SDK1: variants seen among roughly 807,000 people sequenced by gnomAD.
SDK1 encodes the protein protein sidekick-1.
SDK1 carries 157 observed loss-of-function variants against 245.5 expected under a neutral mutation model. The observed-to-expected ratio is 0.64, with a 90% CI of 0.56 to 0.73. The LOEUF (loss-of-function observed/expected upper bound fraction) is 0.73, where lower values mean the gene tolerates loss of function less well. Ranked by LOEUF, SDK1 falls within the 30% of genes least tolerant of loss-of-function variation. The pLI, the probability that SDK1 is intolerant of heterozygous loss-of-function variation, is 0.00. For missense variants in SDK1, 3,583 were observed against 3,002.3 expected, an observed-to-expected ratio of 1.19 and a Z score of -4.52; for synonymous variants, 1,647 against 1,278.5, an observed-to-expected ratio of 1.29 and a Z score of -6.15.
chr7:3,606,277 A>G (rs1233228378), intron 1 of SDK1, among the ~76,000 whole-genome samples: 1 of 152,086 alleles, frequency 6.6e-6, no homozygotes, highest in Admixed American at 6.6e-5. Flanking sequence ...AACCATTGCC[A>G]CCTTTACTGC....
chr7:3,302,099 G>A (rs73286340), intron 1 of SDK1: 3,077 of 248,440 alleles, frequency 0.012, 98 homozygotes, highest in African/African-American at 0.066. Context: ...CTGCTACTTT[G>A]CGTTTTATTT....
At position 3,627,044 on chromosome 7, in the gene SDK1, C is replaced by G. The variant is rs541167801; in HGVS notation, c.458+7805C>G. Among the ~76,000 whole-genome samples, 4 of 152,182 alleles carry G rather than the reference C, an allele frequency of 2.6e-5. No individual in the cohort carries two copies. The East Asian group carries it at 7.7e-4, about 29-fold the overall frequency. ...CCGGGCTCAGTTCATACTCCCACCTCAGCTTCCCACGTAGCTAGGGGTACA... is the reference window on the plus strand; with the variant it reads ...CCGGGCTCAGTTCATACTCCCACCTGAGCTTCCCACGTAGCTAGGGGTACA... On this transcript the variant is annotated intron_variant, in intron 2 of 44. Transcript: ENST00000404826.
intron 1 of SDK1, among the ~76,000 whole-genome samples, chr7:3,308,194 G>A (rs1212020949): frequency 6.6e-6 from 1 of 152,128 alleles, no homozygotes; most frequent in Non-Finnish European, 1.5e-5. Context: ...TAAAATGTGA[G>A]ATGCTTATTT....
chr7:3,936,833 G>A (rs187725186), intron 5 of SDK1, among the ~76,000 whole-genome samples: 1 of 152,298 alleles, frequency 6.6e-6, no homozygotes, highest in Non-Finnish European at 1.5e-5. Flanking sequence ...TGGATGGGTG[G>A]GATTTCAGGA....
intron 13 of SDK1, among the ~76,000 whole-genome samples, chr7:3,978,597 G>A (rs568568725): frequency 6.6e-6 from 1 of 152,298 alleles, no homozygotes; most frequent in East Asian, 1.9e-4. Context: ...CCTTCATGGG[G>A]TGTCTTTAGA....
intron 1 of SDK1, among the ~76,000 whole-genome samples, chr7:3,584,589 C>A (rs1369674317): frequency 6.6e-6 from 1 of 152,126 alleles, no homozygotes; most frequent in African/African-American, 2.4e-5. Context: ...CTTTGTTGTT[C>A]CACGGACTGC....
At chr7:3,682,819 A>G (rs1011135116) in intron 4 of SDK1, among the ~76,000 whole-genome samples, 3 of 151,354 alleles carry the variant, frequency 2.0e-5, no homozygotes, top group South Asian at 2.1e-4. Context: ...GCTCACTGCA[A>G]CCCCCACTTC....
Position 3,542,507 on chromosome 7 carries a change from G to T in SDK1, c.299-76573G>T, listed in dbSNP as rs530082850. Among the ~76,000 whole-genome samples the T allele has an allele frequency of 8.6e-4, 131 of 152,306 alleles. 1 individual carries two copies. Among genetic ancestry groups the T allele is most frequent in the African/African-American group, 2.6e-3 (108 of 41,566 alleles). On this transcript the variant is annotated intron_variant, in intron 1 of 44. Transcript: ENST00000404826. Reference sequence around the variant, plus strand: ...AGGGGCTGAAATGGGAGACATCGTTGTGTGCCAAGCATAGGATCATGCCTG... The same window carrying T: ...AGGGGCTGAAATGGGAGACATCGTTTTGTGCCAAGCATAGGATCATGCCTG...
At chr7:3,964,523 GTTTCT>G (rs1487316421) in intron 9 of SDK1, among the ~76,000 whole-genome samples, 1 of 151,976 alleles carries the variant, frequency 6.6e-6, no homozygotes, top group Non-Finnish European at 1.5e-5. Flanking sequence ...TCTTTTGTGA[GTTTCT>G]TTTATTATCC....
At chr7:3,709,519 G>A (rs1407762814) in intron 4 of SDK1, among the ~76,000 whole-genome samples, 1 of 152,160 alleles carries the variant, frequency 6.6e-6, no homozygotes, top group African/African-American at 2.4e-5. Context: ...TTCTTCACCT[G>A]GCTCATGGTG....
intron 1 of SDK1, among the ~76,000 whole-genome samples, chr7:3,314,069 A>G (rs1440138825): frequency 6.6e-6 from 1 of 152,192 alleles, no homozygotes; most frequent in African/African-American, 2.4e-5. Context: ...ACCAAAAAAT[A>G]CAGCGCCAAT....
chr7:3,503,562 A>G (rs1782286398), intron 1 of SDK1, among the ~76,000 whole-genome samples: 2 of 152,126 alleles, frequency 1.3e-5, no homozygotes, highest in Non-Finnish European at 2.9e-5. Context: ...TTATAGTCCT[A>G]GCTACTCAGT....
intron 38 of SDK1, among the ~76,000 whole-genome samples, chr7:4,216,656 T>C (rs932445958): frequency 4.3e-4 from 65 of 152,248 alleles, no homozygotes; most frequent in African/African-American, 1.6e-3. Context: ...GTAAAGATAG[T>C]TAAAAAGTAA....
chr7:3,772,227 A>G (rs1426092948), intron 4 of SDK1, among the ~76,000 whole-genome samples: 1 of 151,390 alleles, frequency 6.6e-6, no homozygotes, highest in Admixed American at 6.6e-5. Context: ...GATTTTGTGT[A>G]GTGACATGTT....
intron 1 of SDK1, among the ~76,000 whole-genome samples, chr7:3,613,101 T>G (rs1361656369): frequency 6.6e-6 from 1 of 152,232 alleles, no homozygotes; most frequent in Non-Finnish European, 1.5e-5. Context: ...TACCTCATAG[T>G]TGATTCCTAT....
chr7:3,424,423 T>C (rs749597946), intron 1 of SDK1, among the ~76,000 whole-genome samples: 5 of 152,172 alleles, frequency 3.3e-5, no homozygotes, highest in Non-Finnish European at 5.9e-5. Context: ...ATAAGAAGTT[T>C]ATGAACTTTG....
At chr7:3,360,839 G>A (rs1291435846) in intron 1 of SDK1, among the ~76,000 whole-genome samples, 2 of 151,904 alleles carry the variant, frequency 1.3e-5, no homozygotes, top group African/African-American at 4.8e-5. Context: ...AGATAGTGGG[G>A]GGAGTTATAA....
intron 22 of SDK1, among the ~76,000 whole-genome samples, chr7:4,081,884 C>A (rs1367449764): frequency 6.6e-6 from 1 of 152,184 alleles, no homozygotes; most frequent in African/African-American, 2.4e-5. Context: ...ATATTTCAGA[C>A]CACATGTCAC....
intron 4 of SDK1, among the ~76,000 whole-genome samples, chr7:3,644,781 A>AAAAAC (rs1352051675): frequency 2.8e-5 from 4 of 141,384 alleles, no homozygotes; most frequent in South Asian, 2.6e-4. Flanking sequence ...TCCAAAAAAA[A>AAAAAC]AAAAAAAAAA....
Sources: gnomAD v4.1 joint callset for allele counts (sites outside exome capture counted in the v4.1 genomes callset) on GRCh38, gnomAD v4.1.1 for gene constraint, MANE v1.5 for transcripts, NCBI Gene and HGNC (gene_info 2026-07-23, HGNC 2026-07-21) for gene names.